Variants in OCIAD2 observed in about 807,000 individuals in gnomAD.
OCIAD2 encodes the protein OCIA domain containing 2.
A neutral mutation model predicts 22.9 loss-of-function variants in OCIAD2; 29 were observed. The observed-to-expected ratio is 1.27, with a 90% confidence interval of 0.94 to 1.73. OCIAD2 has a LOEUF of 1.73. Among genes scored for constraint, OCIAD2 ranks in the 40% most tolerant of loss-of-function variants. OCIAD2 has a pLI of 0.00. For missense variants in OCIAD2, 189 were observed against 180.3 expected, an observed-to-expected ratio of 1.05 and a Z score of -0.28; for synonymous variants, 67 against 60.2, an observed-to-expected ratio of 1.11 and a Z score of -0.52.
At chr4:48,888,567 G>C (rs1403277199) in intron 6 of OCIAD2, among the ~76,000 whole-genome samples, 4 of 152,158 alleles carry the variant, frequency 2.6e-5, no homozygotes, top group Non-Finnish European at 5.9e-5. Flanking sequence ...TTTTGTCAAA[G>C]GCCTTTTCTG....
rs34395724 is a variant in OCIAD2, at chr4:48,885,312, A to AAAAC, written c.*168_*171dup. On this transcript the variant is annotated 3_prime_UTR_variant, in exon 7 of 7. Coordinates refer to ENST00000508632, the MANE Select transcript of OCIAD2 (RefSeq NM_001014446.3). ...CCCCGACATGTTCTTAAAGAGCAGA[A>AAAAC]AAACATGTAACGCTTAGTTCACTTG... 556,557 of 624,200 alleles carry AAAAC rather than the reference A, an allele frequency of 0.89. 249,085 individuals are homozygous for AAAAC. The highest frequency in any genetic ancestry group is 0.98 in the East Asian group (36,139 of 36,874). The allele number at this position is 624,200 out of a possible 1,614,324, so 38.7% of individuals were successfully genotyped here. A position where few individuals can be genotyped will look rare whatever the true frequency, so the allele number is the denominator to read the frequency against.
intron 2 of OCIAD2, among the ~76,000 whole-genome samples, chr4:48,901,915 A>G (rs1039927433): frequency 3.3e-5 from 5 of 151,730 alleles, no homozygotes. Flanking sequence ...GCTAATTGAA[A>G]AAACCATTTT....
chr4:48,904,561 G>A lies in OCIAD2; in HGVS notation c.-12C>T. 6.2e-7 allele frequency: 1 copy of A among 1,613,676 alleles called. No individual in the cohort carries two copies. Among genetic ancestry groups the A allele is most frequent in the Non-Finnish European group, 8.5e-7 (1 of 1,179,668 alleles). On this transcript the variant is annotated 5_prime_UTR_variant, in exon 2 of 7. Transcript: ENST00000508632. ...GACGCTGAAGCCATGATGACTTTGTGCTTGCTCTCCTTCCAGTTGTTTATC... is the reference window on the plus strand; with the variant it reads ...GACGCTGAAGCCATGATGACTTTGTACTTGCTCTCCTTCCAGTTGTTTATC...
intron 2 of OCIAD2, among the ~76,000 whole-genome samples, chr4:48,904,236 G>A (rs1469009917): frequency 6.6e-6 from 1 of 152,104 alleles, no homozygotes; most frequent in Non-Finnish European, 1.5e-5. Context: ...AGGATTAATT[G>A]AGGCCAGGTG....
chr4:48,889,499 T>C (rs1009837166), intron 6 of OCIAD2, among the ~76,000 whole-genome samples: 2 of 152,082 alleles, frequency 1.3e-5, no homozygotes, highest in African/African-American at 2.4e-5. Context: ...AACAGACACA[T>C]GAAAAAGGCT....
chr4:48,893,980 C>T, intron 5 of OCIAD2, 26 bp downstream of exon 5: 1 of 1,475,608 alleles, frequency 6.8e-7, no homozygotes, highest in Non-Finnish European at 9.1e-7. Context: ...CCACACTTGG[C>T]TTGCTTTTTT....
chr4:48,900,398 G>T (rs1292434162), intron 2 of OCIAD2, among the ~76,000 whole-genome samples: 1 of 151,982 alleles, frequency 6.6e-6, no homozygotes, highest in East Asian at 1.9e-4. Flanking sequence ...ATGTATATAT[G>T]CACTTCTGTA....
At chr4:48,888,154 TAAG>T (rs1781047345) in intron 6 of OCIAD2, among the ~76,000 whole-genome samples, 1 of 152,212 alleles carries the variant, frequency 6.6e-6, no homozygotes, top group Admixed American at 6.5e-5. Context: ...TGTTGGTGTA[TAAG>T]AATGCTTGTG....
chr4:48,892,733 T>A (rs1384085983), intron 6 of OCIAD2, 39 bp downstream of exon 6: 1 of 970,672 alleles, frequency 1.0e-6, no homozygotes. Context: ...TAATTTCTTA[T>A]AATTACATTA....
intron 6 of OCIAD2, among the ~76,000 whole-genome samples, chr4:48,890,253 A>T (rs1781129612): frequency 6.9e-6 from 1 of 144,660 alleles, no homozygotes; most frequent in African/African-American, 2.5e-5. Flanking sequence ...ACTTAAAGTT[A>T]AAAAAAAAAA....
chr4:48,894,741 CTTTTT>C (rs1204888287), intron 4 of OCIAD2, among the ~76,000 whole-genome samples: 3 of 152,040 alleles, frequency 2.0e-5, no homozygotes, highest in African/African-American at 7.2e-5. Context: ...ACCCTCTTTT[CTTTTT>C]AAGTAACTTA....
At chr4:48,905,013 A>G (rs1443151505) in intron 1 of OCIAD2, among the ~76,000 whole-genome samples, 1 of 152,196 alleles carries the variant, frequency 6.6e-6, no homozygotes, top group African/African-American at 2.4e-5. Flanking sequence ...CCATCTAGTC[A>G]TGTCACAAAG....
chr4:48,890,555 A>G (rs1459209160), intron 6 of OCIAD2, among the ~76,000 whole-genome samples: 1 of 152,226 alleles, frequency 6.6e-6, no homozygotes, highest in African/African-American at 2.4e-5. Context: ...TGATACTTCC[A>G]GAATTTCTGG....
intron 2 of OCIAD2, 25 bp from the exon 3 acceptor site, chr4:48,899,950 C>G (rs146122095): frequency 6.5e-7 from 1 of 1,547,538 alleles, no homozygotes; most frequent in East Asian, 2.2e-5. Flanking sequence ...ATATGGTGAG[C>G]TAACTGAGGT....
At position 48,900,978 on chromosome 4, in the gene OCIAD2, T is replaced by C. The variant is rs73817712; in HGVS notation, c.67-1053A>G. On this transcript the variant is annotated intron_variant, in intron 2 of 6. Coordinates refer to ENST00000508632, the MANE Select transcript of OCIAD2 (RefSeq NM_001014446.3). ...CCATTCCTTTGGCTTTGTAGGTACATATGCTTTAATCACTCGCTCTTGTCC... is the reference window on the plus strand; with the variant it reads ...CCATTCCTTTGGCTTTGTAGGTACACATGCTTTAATCACTCGCTCTTGTCC... Among the ~76,000 whole-genome samples the C allele has an allele frequency of 3.1e-3, 474 of 152,254 alleles. 1 individual carries two copies. The highest frequency in any genetic ancestry group is 0.011 in the African/African-American group (444 of 41,530).
chr4:48,901,488 G>GAAAGAATTTTCTAAAC (rs1384762433), intron 2 of OCIAD2, among the ~76,000 whole-genome samples: 2 of 152,268 alleles, frequency 1.3e-5, no homozygotes, highest in East Asian at 3.9e-4. Flanking sequence ...GCAAGTTAAA[G>GAAAGAATTTTCTAAAC]AAAGAATTTT....
chr4:48,900,006 G>T, intron 2 of OCIAD2, 81 bp from the exon 3 acceptor site: 1 of 983,494 alleles, frequency 1.0e-6, no homozygotes. Context: ...AGAACAGGGA[G>T]GTCTCTTCAC....
At chr4:48,900,747 C>A (rs573482751) in intron 2 of OCIAD2, among the ~76,000 whole-genome samples, 3 of 151,620 alleles carry the variant, frequency 2.0e-5, no homozygotes, top group Non-Finnish European at 4.4e-5. Context: ...ATCCTCCTAC[C>A]TTAGCTCCCC....
intron 4 of OCIAD2, among the ~76,000 whole-genome samples, chr4:48,895,421 C>T (rs1781283156): frequency 6.6e-6 from 1 of 152,162 alleles, no homozygotes; most frequent in Non-Finnish European, 1.5e-5. Flanking sequence ...TCACTTGGCT[C>T]ACAGTTCTGG....
Sources: allele counts gnomAD v4.1 joint callset (sites outside exome capture counted in the v4.1 genomes callset), GRCh38; gene constraint gnomAD v4.1.1; transcripts MANE v1.5; gene names NCBI Gene and HGNC (gene_info 2026-07-23, HGNC 2026-07-21).